Variants in AFAP1L2 observed in about 807,000 individuals in gnomAD.
The protein encoded by AFAP1L2 is actin filament-associated protein 1-like 2.
In AFAP1L2, 46 loss-of-function variants were observed where a neutral mutation model predicts 99.3. The observed-to-expected ratio is 0.46, with a 90% confidence interval of 0.37 to 0.59. The LOEUF (loss-of-function observed/expected upper bound fraction) is 0.59. AFAP1L2 is among the 20% of genes least tolerant of loss of function. The pLI is 0.00. For synonymous variants in AFAP1L2, 397 were observed against 419.1 expected (o/e 0.95, Z 0.64); for missense variants, 959 against 1,034.9 (o/e 0.93, Z 1.01).
At chr10:114,365,169 T>G (rs1032038235) in intron 1 of AFAP1L2, among the ~76,000 whole-genome samples, 1 of 152,152 alleles carries the variant, frequency 6.6e-6, no homozygotes, top group Non-Finnish European at 1.5e-5. Flanking sequence ...CTGCCTCTCC[T>G]CTCCTACTTC....
the AFAP1L2 span, chr10:114,286,249 C>T: frequency 1.5e-5 from 24 of 1,612,700 alleles, no homozygotes; most frequent in East Asian, 1.6e-4. Context: ...GCTTCGGGAG[C>T]GCCACCAGGA....
chr10:114,352,860 G>A (rs1358094024), intron 1 of AFAP1L2, among the ~76,000 whole-genome samples: 4 of 152,208 alleles, frequency 2.6e-5, no homozygotes, highest in African/African-American at 9.7e-5. Context: ...CAAACAGCAC[G>A]GCACTATCAA....
At chr10:114,337,636 G>A (rs1476845300) in intron 2 of AFAP1L2, among the ~76,000 whole-genome samples, 2 of 149,462 alleles carry the variant, frequency 1.3e-5, no homozygotes, top group Non-Finnish European at 3.0e-5. Flanking sequence ...GCCGATCAAG[G>A]GCAGAACAAA....
chr10:114,325,566 G>A (rs2046135659), intron 4 of AFAP1L2, among the ~76,000 whole-genome samples: 1 of 152,220 alleles, frequency 6.6e-6, no homozygotes, highest in African/African-American at 2.4e-5. Context: ...CAAAGAATTT[G>A]GTCACTTCAT....
At chr10:114,368,765 AC>A (rs2053643047) in intron 1 of AFAP1L2, among the ~76,000 whole-genome samples, 1 of 112,932 alleles carries the variant, frequency 8.9e-6, no homozygotes, top group Non-Finnish European at 1.8e-5. Context: ...AAGTGTCCTT[AC>A]AACACACACA....
At chr10:114,350,407 T>A (rs1014604236) in intron 1 of AFAP1L2, among the ~76,000 whole-genome samples, 1 of 152,218 alleles carries the variant, frequency 6.6e-6, no homozygotes, top group Non-Finnish European at 1.5e-5. Flanking sequence ...AGGGACTATA[T>A]CTTCTGGTTT....
At chr10:114,288,858 C>T in the AFAP1L2 span, 4 of 1,505,618 alleles carry the variant, frequency 2.7e-6, no homozygotes, top group Non-Finnish European at 3.6e-6. Flanking sequence ...TGGTCCTACC[C>T]AACCTGGCAG....
chr10:114,401,846 A>G (rs2058261502), intron 1 of AFAP1L2, among the ~76,000 whole-genome samples: 1 of 152,188 alleles, frequency 6.6e-6, no homozygotes, highest in South Asian at 2.1e-4. Context: ...GATGTACAAT[A>G]TATATAACAA....
intron 1 of AFAP1L2, among the ~76,000 whole-genome samples, chr10:114,362,465 A>C (rs1475292837): frequency 2.0e-5 from 3 of 152,178 alleles, no homozygotes; most frequent in Admixed American, 2.0e-4. Flanking sequence ...GGTCTTGTGA[A>C]GACAAAGGCA....
chr10:114,286,606 CTT>C, the AFAP1L2 span: 4 of 1,074,430 alleles, frequency 3.7e-6, no homozygotes, highest in Non-Finnish European at 5.2e-6. Context: ...GCCAGTGCCT[CTT>C]CTAGGGGCTG....
downstream of AFAP1L2, chr10:114,290,191 T>A: frequency 6.5e-7 from 1 of 1,545,938 alleles, no homozygotes; most frequent in Non-Finnish European, 8.7e-7. Flanking sequence ...GGTCTTCGGG[T>A]CTAACCCATG....
the AFAP1L2 span, chr10:114,282,405 A>T: frequency 1.6e-4 from 131 of 843,490 alleles, no homozygotes; most frequent in Non-Finnish European, 2.3e-4. Flanking sequence ...AGTCTTTCTT[A>T]CTTCTGCATT....
Position 114,295,376 on chromosome 10 carries a change from G to A in AFAP1L2, c.*666C>T, listed in dbSNP as rs913207707. 1 of 985,512 alleles carries A rather than the reference G, an allele frequency of 1.0e-6. No homozygotes were observed. Among genetic ancestry groups the A allele is most frequent in the Non-Finnish European group, 1.2e-6 (1 of 829,704 alleles). 61.0% of individuals were successfully genotyped at this position (985,512 alleles called of 1,614,324 possible). On this transcript the variant is annotated 3_prime_UTR_variant, in exon 19 of 19. Coordinates refer to ENST00000304129, the MANE Select transcript of AFAP1L2 (RefSeq NM_001001936.3). Reference sequence around the variant, plus strand: ...TTTTATTTAAAGACAGTTGATTCAGGCCTGCCTTGGACTGGAAAGAAGTCT... The same window carrying A: ...TTTTATTTAAAGACAGTTGATTCAGACCTGCCTTGGACTGGAAAGAAGTCT...
At chr10:114,301,723 C>T (rs1272168763) in intron 12 of AFAP1L2, 9 of 505,464 alleles carry the variant, frequency 1.8e-5, no homozygotes, top group Middle Eastern at 5.3e-4. Flanking sequence ...GTCCTAGGAT[C>T]CCTTTGCCAT....
intron 10 of AFAP1L2, among the ~76,000 whole-genome samples, chr10:114,305,805 C>T (rs1356180569): frequency 1.4e-5 from 1 of 70,200 alleles, no homozygotes; most frequent in African/African-American, 5.8e-5. Context: ...CAGGAGGCGT[C>T]GGGGCTGCAG....
At chr10:114,382,588 CTTTT>C (rs1554956154) in intron 1 of AFAP1L2, among the ~76,000 whole-genome samples, 1 of 93,294 alleles carries the variant, frequency 1.1e-5, no homozygotes, top group Non-Finnish European at 2.1e-5. Context: ...TATTTCTTCT[CTTTT>C]TTTTTTTTTT....
At chr10:114,391,908 G>T (rs528124752) in intron 1 of AFAP1L2, among the ~76,000 whole-genome samples, 9 of 152,172 alleles carry the variant, frequency 5.9e-5, no homozygotes, top group Non-Finnish European at 8.8e-5. Flanking sequence ...GTACAGAGGG[G>T]CTCAGGCTTT....
rs142732658 is a variant in AFAP1L2 at position 114,307,597 on chromosome 10, C to T, written c.1072+208G>A. Reference sequence around the variant, plus strand: ...GTTACCCTTCACTTCCACAAAGGCCCCAACATTGCAGCAAGAGAGAGTTGG... The same window carrying T: ...GTTACCCTTCACTTCCACAAAGGCCTCAACATTGCAGCAAGAGAGAGTTGG... On this transcript the variant is annotated intron_variant, in intron 10 of 18. Transcript: ENST00000304129. Among the ~76,000 whole-genome samples the T allele has an allele frequency of 3.4e-3, 521 of 152,096 alleles. 3 individuals carry two copies. The highest frequency in any genetic ancestry group is 0.012 in the African/African-American group (481 of 41,482).
chr10:114,345,111 A>C (rs1408288292), intron 1 of AFAP1L2, among the ~76,000 whole-genome samples: 2 of 150,600 alleles, frequency 1.3e-5, no homozygotes, highest in African/African-American at 4.9e-5. Context: ...AAAAAAAAAA[A>C]GGAAAGAAAG....
Sources: gnomAD v4.1 joint callset for allele counts (sites outside exome capture counted in the v4.1 genomes callset) on GRCh38, gnomAD v4.1.1 for gene constraint, MANE v1.5 for transcripts, NCBI Gene and HGNC (gene_info 2026-07-23, HGNC 2026-07-21) for gene names.